SOX5: variants seen among roughly 807,000 people sequenced by gnomAD.
The protein encoded by SOX5 is transcription factor SOX-5.
Under a neutral mutation model 92.0 loss-of-function variants are expected in SOX5, and 9 were observed. The observed-to-expected ratio is 0.10, with a 90% CI of 0.06 to 0.17. The LOEUF (loss-of-function observed/expected upper bound fraction) is 0.17, where lower values mean the gene tolerates loss of function less well. SOX5 is among the 10% of genes least tolerant of loss of function. The pLI is 1.00. For synonymous variants in SOX5, 344 were observed against 336.3 expected, an observed-to-expected ratio of 1.02 and a Z score of -0.25; for missense variants, 642 against 944.5, an observed-to-expected ratio of 0.68 and a Z score of 4.20.
intron 1 of SOX5, among the ~76,000 whole-genome samples, chr12:24,546,303 T>A (rs1419263554): frequency 6.6e-6 from 1 of 152,090 alleles, no homozygotes; most frequent in Non-Finnish European, 1.5e-5. Flanking sequence ...CAGGAGCTAG[T>A]TTTCCATTTT....
chr12:23,819,784 C>G (rs2955525), intron 3 of SOX5, among the ~76,000 whole-genome samples: 1 of 152,056 alleles, frequency 6.6e-6, no homozygotes, highest in South Asian at 2.1e-4. Flanking sequence ...GGCTGCATAC[C>G]ATTTCATGGT....
chr12:24,246,307 G>T (rs1938699753), intron 3 of SOX5, among the ~76,000 whole-genome samples: 1 of 148,052 alleles, frequency 6.8e-6, no homozygotes. Flanking sequence ...AAAGATTGTT[G>T]GAAGTAAAAG....
chr12:24,100,992 T>C (rs1946026117), intron 4 of SOX5, among the ~76,000 whole-genome samples: 2 of 152,126 alleles, frequency 1.3e-5, no homozygotes, highest in African/African-American at 2.4e-5. Flanking sequence ...AATTTATCAA[T>C]TCTATTGCAA....
In SOX5 at chr12:23,530,980, C is replaced by T. The variant is rs1938959763; in HGVS notation, c.*3239G>A. ...TATCTTTTTTGGTCATTATGGGGCA[C>T]AGAAAAAGAATACAGGGTTTTAGGA... On this transcript the variant is annotated 3_prime_UTR_variant, in exon 15 of 15. Transcript: ENST00000451604. 1.3e-5 allele frequency: 2 copies of T among 151,928 alleles called. No individual in the cohort carries two copies. The highest frequency in any genetic ancestry group is 4.8e-5 in the African/African-American group (2 of 41,342). The allele number at this position is 151,928 out of a possible 1,614,324, so 9.4% of individuals were successfully genotyped here.
At chr12:23,919,480 A>T (rs540905906) in intron 1 of SOX5, among the ~76,000 whole-genome samples, 1 of 152,344 alleles carries the variant, frequency 6.6e-6, no homozygotes, top group Admixed American at 6.5e-5. Context: ...TCTTTCATCT[A>T]AATGTGGTAA....
chr12:23,891,695 T>C (rs953547091), intron 2 of SOX5, among the ~76,000 whole-genome samples: 2 of 152,182 alleles, frequency 1.3e-5, no homozygotes, highest in Non-Finnish European at 2.9e-5. Context: ...AAAGAGAGAA[T>C]GTATTTCCTT....
intron 1 of SOX5, among the ~76,000 whole-genome samples, chr12:24,505,997 C>A (rs1196580275): frequency 1.3e-5 from 2 of 152,092 alleles, no homozygotes; most frequent in East Asian, 1.9e-4. Context: ...AATGTAACTC[C>A]AGACAATATT....
chr12:24,287,592 CTTTTTTTTTT>C (rs763973565), intron 2 of SOX5, among the ~76,000 whole-genome samples: 14 of 79,668 alleles, frequency 1.8e-4, no homozygotes, highest in African/African-American at 2.3e-4. Flanking sequence ...TTCTCAAATC[CTTTTTTTTTT>C]TTTTTTTTTT....
chr12:24,333,597 C>CA (rs1338956123), intron 2 of SOX5, among the ~76,000 whole-genome samples: 1 of 151,804 alleles, frequency 6.6e-6, no homozygotes, highest in East Asian at 1.9e-4. Flanking sequence ...TACTTAACAG[C>CA]AAAAACTCTT....
intron 6 of SOX5, among the ~76,000 whole-genome samples, chr12:23,699,581 T>C (rs2090345846): frequency 6.6e-6 from 1 of 152,222 alleles, no homozygotes; most frequent in African/African-American, 2.4e-5. Flanking sequence ...ATATTGTCTA[T>C]ATGATACTTC....
Position 24,320,506 on chromosome 12 carries a change from A to G in SOX5, c.-173-43194T>C, listed in dbSNP as rs540909970. 1.6e-4 allele frequency among the ~76,000 whole-genome samples: 24 copies of G among 152,252 alleles called. No homozygotes were observed. In the South Asian group the frequency reaches 4.8e-3, roughly 30 times the overall value. On this transcript the variant is annotated intron_variant, in intron 2 of 4. Coordinates refer to the SOX5 transcript ENST00000446891. ...ATTAGTTGTAACTTTACTTTCCTGG[A>G]AAATATCAGCAGATTTAATTTTTCT...
chr12:24,281,514 A>G (rs1945197334), intron 2 of SOX5, among the ~76,000 whole-genome samples: 1 of 152,258 alleles, frequency 6.6e-6, no homozygotes, highest in Non-Finnish European at 1.5e-5. Flanking sequence ...AATTTTATGC[A>G]TAAACAAATG....
intron 6 of SOX5, among the ~76,000 whole-genome samples, chr12:23,698,696 C>T (rs1342001064): frequency 1.3e-5 from 2 of 151,934 alleles, no homozygotes; most frequent in Non-Finnish European, 2.9e-5. Flanking sequence ...ATTTTTTGAT[C>T]GAGTGATAAA....
At chr12:23,854,854 T>C (rs1412426190) in intron 2 of SOX5, among the ~76,000 whole-genome samples, 1 of 152,064 alleles carries the variant, frequency 6.6e-6, no homozygotes, top group Non-Finnish European at 1.5e-5. Flanking sequence ...CCTCACTGGG[T>C]TGCTAGAGGA....
chr12:24,203,354 A>G (rs1297691835), intron 4 of SOX5, among the ~76,000 whole-genome samples: 1 of 152,180 alleles, frequency 6.6e-6, no homozygotes, highest in Admixed American at 6.5e-5. Flanking sequence ...GGAATCATCC[A>G]TTTCTACAAG....
intron 1 of SOX5, among the ~76,000 whole-genome samples, chr12:24,376,596 A>G (rs1957279794): frequency 6.8e-6 from 1 of 147,964 alleles, no homozygotes; most frequent in Non-Finnish European, 1.5e-5. Flanking sequence ...AAACATTTAG[A>G]TATTTTATAG....
intron 3 of SOX5, among the ~76,000 whole-genome samples, chr12:23,770,629 T>C (rs1232209812): frequency 6.6e-6 from 1 of 152,210 alleles, no homozygotes; most frequent in Non-Finnish European, 1.5e-5. Context: ...TTCCTAGGCA[T>C]GTTTAAACAA....
intron 3 of SOX5, among the ~76,000 whole-genome samples, chr12:23,821,377 T>C (rs1224963013): frequency 2.6e-5 from 4 of 152,156 alleles, no homozygotes; most frequent in African/African-American, 9.7e-5. Context: ...CAAACAGAGA[T>C]AATTTGACTT....
intron 10 of SOX5, among the ~76,000 whole-genome samples, chr12:23,571,171 T>A (rs896765939): frequency 1.5e-4 from 22 of 149,776 alleles, no homozygotes; most frequent in Admixed American, 2.7e-4. Flanking sequence ...ATAATAATAA[T>A]AAATAAATAA....
Sources: gnomAD v4.1 joint callset for allele counts (sites outside exome capture counted in the v4.1 genomes callset) on GRCh38, gnomAD v4.1.1 for gene constraint, MANE v1.5 for transcripts, NCBI Gene and HGNC (gene_info 2026-07-23, HGNC 2026-07-21) for gene names.